KLRB1: variants seen among roughly 807,000 people sequenced by gnomAD.
The protein encoded by KLRB1 is killer cell lectin like receptor B1, also known as killer cell lectin-like receptor subfamily B member 1.
In KLRB1, 27 loss-of-function variants were observed where a neutral mutation model predicts 33.5. The observed-to-expected ratio is 0.81, with a 90% CI of 0.59 to 1.11. The LOEUF is 1.11. Ranked by LOEUF, KLRB1 falls within the 50% of genes most tolerant of loss-of-function variation. The probability of loss-of-function intolerance (pLI) is 0.00; values close to 1 mark genes in which losing one functional copy is unlikely to be tolerated. For missense variants in KLRB1, 241 were observed against 254.1 expected, an observed-to-expected ratio of 0.95 and a Z score of 0.35; for synonymous variants, 64 against 88.9, an observed-to-expected ratio of 0.72 and a Z score of 1.58.
chr12:9,603,234 A>G (rs1033083301), intron 1 of KLRB1, among the ~76,000 whole-genome samples: 9 of 152,152 alleles, frequency 5.9e-5, no homozygotes, highest in African/African-American at 1.9e-4. Flanking sequence ...CTGGTGTGAT[A>G]CAAGAATGTC....
At chr12:9,605,974 T>C (rs1379296169) in intron 1 of KLRB1, among the ~76,000 whole-genome samples, 1 of 152,066 alleles carries the variant, frequency 6.6e-6, no homozygotes, top group Non-Finnish European at 1.5e-5. Flanking sequence ...CACCTTTTGC[T>C]AGATATGAAT....
At chr12:9,595,546 C>T in intron 5 of KLRB1, 125 bp from the exon 6 acceptor site, 2 of 836,144 alleles carry the variant, frequency 2.4e-6, no homozygotes, top group East Asian at 5.0e-5. Flanking sequence ...AAAGAAGGCA[C>T]ACGGTCACAA....
intron 1 of KLRB1, among the ~76,000 whole-genome samples, chr12:9,604,907 T>G (rs972218697): frequency 2.0e-5 from 3 of 152,188 alleles, no homozygotes; most frequent in African/African-American, 7.2e-5. Flanking sequence ...GTTACATATG[T>G]ATACATGTGC....
At chr12:9,606,885 T>C (rs887634324) in intron 1 of KLRB1, among the ~76,000 whole-genome samples, 4 of 150,308 alleles carry the variant, frequency 2.7e-5, no homozygotes, top group African/African-American at 9.8e-5. Flanking sequence ...GCCTCCCGAG[T>C]AGCTAGGACC....
chr12:9,607,335 C>CTTCCTTCCTTTCTTTCTTT (rs1491505010), intron 1 of KLRB1, among the ~76,000 whole-genome samples: 37 of 65,260 alleles, frequency 5.7e-4, no homozygotes, highest in Admixed American at 1.1e-3. Context: ...CTCTTTCTTT[C>CTTCCTTCCTTTCTTTCTTT]CTTTCTTTCT....
At chr12:9,596,077 A>G (rs1017041247) in intron 5 of KLRB1, among the ~76,000 whole-genome samples, 2 of 152,160 alleles carry the variant, frequency 1.3e-5, no homozygotes, top group African/African-American at 2.4e-5. Context: ...ATATAATTCA[A>G]ACAAAGGGAC....
intron 2 of KLRB1, among the ~76,000 whole-genome samples, chr12:9,600,613 C>G (rs1864530371): frequency 6.6e-6 from 1 of 152,184 alleles, no homozygotes; most frequent in South Asian, 2.1e-4. Flanking sequence ...CCCTTGCTCT[C>G]TGAAACATGT....
At chr12:9,597,914 T>C in intron 5 of KLRB1, 132 bp downstream of exon 5, 1 of 582,364 alleles carries the variant, frequency 1.7e-6, no homozygotes, top group Non-Finnish European at 3.0e-6. Context: ...ATCATCCATG[T>C]TCTTAGCCTA....
At chr12:9,605,088 T>C (rs965309245) in intron 1 of KLRB1, among the ~76,000 whole-genome samples, 1 of 152,180 alleles carries the variant, frequency 6.6e-6, no homozygotes, top group East Asian at 1.9e-4. Flanking sequence ...ATATGCGGTG[T>C]TTGGCTTTCT....
chr12:9,604,987 C>T (rs1864584272), intron 1 of KLRB1, among the ~76,000 whole-genome samples: 1 of 152,080 alleles, frequency 6.6e-6, no homozygotes, highest in African/African-American at 2.4e-5. Context: ...ATCCCTTCTC[C>T]CTACCCCCAC....
intron 2 of KLRB1, among the ~76,000 whole-genome samples, chr12:9,600,650 A>G (rs776363143): frequency 4.6e-5 from 7 of 152,336 alleles, no homozygotes; most frequent in East Asian, 1.9e-4. Context: ...AGTTGAATGG[A>G]TTAAGGGCGG....
At chr12:9,607,335 C>CCTTCCTTCCTGCCTTCCTTT (rs1864621978) in intron 1 of KLRB1, among the ~76,000 whole-genome samples, 13 of 65,260 alleles carry the variant, frequency 2.0e-4, no homozygotes, top group Non-Finnish European at 1.8e-4. Flanking sequence ...CTCTTTCTTT[C>CCTTCCTTCCTGCCTTCCTTT]CTTTCTTTCT....
chr12:9,598,233 G>A, intron 4 of KLRB1, 72 bp from the exon 5 acceptor site: 5 of 949,668 alleles, frequency 5.3e-6, no homozygotes, highest in Non-Finnish European at 8.4e-6. Flanking sequence ...CCTAGTTCAA[G>A]CATCACCTCA....
At chr12:9,606,746 A>AT (rs1864607734) in intron 1 of KLRB1, among the ~76,000 whole-genome samples, 3 of 25,920 alleles carry the variant, frequency 1.2e-4, no homozygotes, top group African/African-American at 5.2e-4. Flanking sequence ...ATATATATAT[A>AT]TATATATATA....
At chr12:9,607,098 G>A (rs1383529786) in intron 1 of KLRB1, among the ~76,000 whole-genome samples, 1 of 151,774 alleles carries the variant, frequency 6.6e-6, no homozygotes, top group African/African-American at 2.4e-5. Flanking sequence ...AAATGCACTG[G>A]GACTTAATCA....
intron 5 of KLRB1, among the ~76,000 whole-genome samples, chr12:9,597,829 A>G (rs1374058908): frequency 1.3e-5 from 2 of 152,114 alleles, no homozygotes; most frequent in South Asian, 2.1e-4. Context: ...CTAAAACTCC[A>G]TTGCAGATAA....
Position 9,601,500 on chromosome 12 carries a change from C to T in KLRB1, c.184+1G>A, listed in dbSNP as rs746350514. ...GAAACAGATGATGGTGCCCCACTTA[C>T]CTGAAACACTCAACCCAGTAACAAC... On this transcript the variant is annotated splice_donor_variant, in intron 2 of 5. Transcript: ENST00000229402. LOFTEE classifies it high-confidence loss of function. The T allele has an allele frequency of 6.2e-7, 1 of 1,604,710 alleles. No homozygotes were observed. The highest frequency in any genetic ancestry group is 2.2e-5 in the East Asian group (1 of 44,828).
At chr12:9,605,195 C>A (rs1468283094) in intron 1 of KLRB1, among the ~76,000 whole-genome samples, 3 of 152,202 alleles carry the variant, frequency 2.0e-5, no homozygotes, top group Non-Finnish European at 4.4e-5. Context: ...GCACAGTATT[C>A]CATGGTGTAT....
At position 9,602,108 on chromosome 12, in the gene KLRB1, C is replaced by T. The variant is rs192159632; in HGVS notation, c.86-509G>A. Among the ~76,000 whole-genome samples, 236 of 152,276 alleles carry T rather than the reference C, an allele frequency of 1.5e-3. 4 individuals carry two copies. Among genetic ancestry groups the T allele is most frequent in the Admixed American group, 0.011 (161 of 15,286 alleles). ...TCCTCTGCTTTGCTGTTGTCTAGAA[C>T]AATCATCTCCAAGTTGGGTCTAAGC... On this transcript the variant is annotated intron_variant, in intron 1 of 5. Coordinates refer to ENST00000229402, the MANE Select transcript of KLRB1 (RefSeq NM_002258.3).
Sources: allele counts gnomAD v4.1 joint callset (sites outside exome capture counted in the v4.1 genomes callset), GRCh38; gene constraint gnomAD v4.1.1; transcripts MANE v1.5; gene names NCBI Gene and HGNC (gene_info 2026-07-23, HGNC 2026-07-21).